Variants in ZNF665 observed in about 807,000 individuals in gnomAD.
ZNF665 encodes zinc finger protein 665.
Under a neutral mutation model 7.9 loss-of-function variants are expected in ZNF665, and 6 were observed. That is an observed-to-expected ratio of 0.76 (90% CI 0.42 to 1.50). The LOEUF (loss-of-function observed/expected upper bound fraction) is 1.50, where lower values mean the gene tolerates loss of function less well. Ranked by LOEUF, ZNF665 falls within the 40% of genes most tolerant of loss-of-function variation. The pLI, the probability that ZNF665 is intolerant of heterozygous loss-of-function variation, is 0.01. For synonymous variants in ZNF665, 242 were observed against 274.5 expected (o/e 0.88, Z 1.17); for missense variants, 819 against 806.7 (o/e 1.02, Z -0.18).
intron 1 of ZNF665, among the ~76,000 whole-genome samples, chr19:53,192,640 C>T (rs4803060): frequency 0.22 from 33,828 of 152,084 alleles, 4,037 homozygotes; most frequent in Admixed American, 0.27. Flanking sequence ...TCTCAGCCCC[C>T]CTCTCTGTCT....
chr19:53,184,404 C>T (rs1223930098), intron 1 of ZNF665, among the ~76,000 whole-genome samples: 1 of 152,104 alleles, frequency 6.6e-6, no homozygotes, highest in East Asian at 1.9e-4. Context: ...TACAGGGTGG[C>T]CCCCATCCAC....
Position 53,164,303 on chromosome 19 carries a change from A to T in ZNF665, c.*150T>A. 1 of 598,502 alleles carries T rather than the reference A, an allele frequency of 1.7e-6. No individual in the cohort carries two copies. Among genetic ancestry groups the T allele is most frequent in the South Asian group, 2.5e-5 (1 of 39,430 alleles). The allele number at this position is 598,502 out of a possible 1,614,324, so 37.1% of individuals were successfully genotyped here. The stretch of plus-strand genomic sequence containing the variant: ...CAGGCGTGCACCACCACACCCAGCT[A>T]ATTTTTGTATTTTTAGTAGAGACAG... On this transcript the variant is annotated 3_prime_UTR_variant, in exon 4 of 4. Transcript: ENST00000396424.
intron 3 of ZNF665, among the ~76,000 whole-genome samples, chr19:53,170,404 CTTGT>C (rs1201185286): frequency 6.6e-6 from 1 of 152,182 alleles, no homozygotes; most frequent in East Asian, 1.9e-4. Flanking sequence ...GTCATTTACT[CTTGT>C]TTAATTGAAC....
At position 53,165,754 on chromosome 19, in the gene ZNF665, G is replaced by T; in HGVS notation, c.736C>A (p.Pro246Thr). Residue 246 changes from proline (P) to threonine (T), a missense_variant, in exon 4 of 4, where the codon CCT (proline) becomes ACT (threonine). Physicochemically the swap from Pro to Thr is conservative, Grantham distance 38 (BLOSUM62 -1). Transcript: ENST00000396424. ...CNECGKVFSQ[P>T]SNLAGHQRIH... ...CTCTGATGACCTGCAAGGTTTGAAG[G>T]TTGACTGAAGACCTTTCCACATTCA... 5 of 1,612,610 alleles carry T rather than the reference G, an allele frequency of 3.1e-6. No individual in the cohort carries two copies. The highest frequency in any genetic ancestry group is 1.7e-5 in the Admixed American group (1 of 59,900).
At chr19:53,171,606 T>A (rs1044335809) in intron 3 of ZNF665, among the ~76,000 whole-genome samples, 1 of 148,882 alleles carries the variant, frequency 6.7e-6, no homozygotes, top group East Asian at 2.0e-4. Context: ...TTTGGCTCAC[T>A]GCAACCTCCG....
intron 3 of ZNF665, among the ~76,000 whole-genome samples, chr19:53,175,173 G>T (rs2090687548): frequency 6.6e-6 from 1 of 152,024 alleles, no homozygotes; most frequent in South Asian, 2.1e-4. Context: ...TCAATCAAAA[G>T]CACAGAAGTA....
chr19:53,171,524 A>ATATATATATATTTTTTT (rs372855271), intron 3 of ZNF665, among the ~76,000 whole-genome samples: 4 of 69,324 alleles, frequency 5.8e-5, no homozygotes, highest in African/African-American at 1.0e-4. Flanking sequence ...ATATATATAT[A>ATATATATATATTTTTTT]TTTTTTTTTT....
rs748655486 is a variant in ZNF665, at chr19:53,165,289, G to A, written c.1201C>T (p.Pro401Ser). The A allele has an allele frequency of 6.2e-7, 1 of 1,613,190 alleles. No individual in the cohort carries two copies. Among genetic ancestry groups the A allele is most frequent in the South Asian group, 1.1e-5 (1 of 91,038 alleles). The change falls in exon 4 of 4, where the codon CCT (proline) becomes TCT (serine). Residue 401 changes from proline to serine, a missense_variant. Physicochemically the swap from Pro to Ser is moderately conservative, Grantham distance 74. Transcript: ENST00000396424. ...TTGACGCATTCATTACATTTGAAAG[G>A]CTTTTCTCCGGTATGGATGATCTGA... ...KHQIIHTGEK[P>S]FKCNECVKVF...
intron 3 of ZNF665, among the ~76,000 whole-genome samples, chr19:53,168,079 A>AAAAAG (rs1568656290): frequency 4.1e-5 from 2 of 48,280 alleles, no homozygotes; most frequent in South Asian, 1.2e-3. Flanking sequence ...AAAAAAAAAA[A>AAAAAG]AAAGAAAGAA....
chr19:53,182,731 TA>T, intron 2 of ZNF665, 152 bp downstream of exon 2: 2 of 1,341,166 alleles, frequency 1.5e-6, no homozygotes, highest in East Asian at 4.6e-5. Flanking sequence ...AGATGGAATC[TA>T]AGTGAGATGA....
intron 3 of ZNF665, among the ~76,000 whole-genome samples, chr19:53,166,935 T>A (rs2090619800): frequency 6.6e-6 from 1 of 152,222 alleles, no homozygotes; most frequent in Non-Finnish European, 1.5e-5. Flanking sequence ...CATACCCCTA[T>A]ATACCCACAC....
At chr19:53,168,202 G>C (rs1437034003) in intron 3 of ZNF665, among the ~76,000 whole-genome samples, 4 of 151,528 alleles carry the variant, frequency 2.6e-5, no homozygotes, top group Admixed American at 6.6e-5. Context: ...AATCATCCTT[G>C]AGAAAATTCA....
At chr19:53,171,488 T>TTG (rs1196693590) in intron 3 of ZNF665, among the ~76,000 whole-genome samples, 2,582 of 75,608 alleles carry the variant, frequency 0.034, 82 homozygotes, top group African/African-American at 0.086. Context: ...ATCTTTACAT[T>TTG]TGTGTGTGTG....
At chr19:53,185,301 T>C (rs1413905455) in intron 1 of ZNF665, among the ~76,000 whole-genome samples, 1 of 151,918 alleles carries the variant, frequency 6.6e-6, no homozygotes, top group Non-Finnish European at 1.5e-5. Context: ...GACGCTGGCG[T>C]CACCGCTAGA....
intron 2 of ZNF665, among the ~76,000 whole-genome samples, chr19:53,177,511 C>T (rs547534489): frequency 1.3e-5 from 2 of 151,962 alleles, no homozygotes; most frequent in East Asian, 1.9e-4. Flanking sequence ...TGTGCCACTG[C>T]ACTCCAGCCT....
At position 53,163,407 on chromosome 19, in the gene ZNF665, G is replaced by A. The variant is rs1133146; in HGVS notation, c.*1046C>T. On this transcript the variant is annotated 3_prime_UTR_variant, in exon 4 of 4. Coordinates refer to ENST00000396424, the MANE Select transcript of ZNF665 (RefSeq NM_024733.5). The stretch of plus-strand genomic sequence containing the variant: ...GCACCTGCAGTGCAATAAGGATGAT[G>A]AGTGACATCATAGTTCATCATCCTC... 78,504 of 152,062 alleles carry A rather than the reference G, an allele frequency of 0.52. 22,956 individuals carry two copies. Among genetic ancestry groups the A allele is most frequent in the South Asian group, 0.72 (3,448 of 4,816 alleles). The allele number at this position is 152,062 out of a possible 1,614,324, so 9.4% of individuals were successfully genotyped here. A position where few individuals can be genotyped will look rare whatever the true frequency, so the allele number is the denominator to read the frequency against.
Position 53,165,187 on chromosome 19 carries a change from A to G in ZNF665, c.1303T>C (p.Cys435Arg), listed in dbSNP as rs1192583855. The G allele has an allele frequency of 1.2e-6, 2 of 1,614,160 alleles. No homozygotes were observed. Among genetic ancestry groups the G allele is most frequent in the South Asian group, 2.2e-5 (2 of 91,086 alleles). The stretch of plus-strand genomic sequence containing the variant: ...GATCGCACACTAAAGGCTTTGCCAC[A>G]CTCATCACACCTGTAAGGTTTCTCT... ...TGEKPYRCDE[C>R]GKAFSVRSSL... The change falls in exon 4 of 4, where the codon TGT becomes CGT. Residue 435 changes from cysteine to arginine, a missense_variant. Physicochemically the swap from Cys to Arg is radical, Grantham distance 180. Transcript: ENST00000396424.
chr19:53,167,784 C>A (rs1453529410), intron 3 of ZNF665, among the ~76,000 whole-genome samples: 1 of 146,090 alleles, frequency 6.8e-6, no homozygotes, highest in Non-Finnish European at 1.5e-5. Context: ...TGCCGGGCGC[C>A]GGTGGCTCCC....
chr19:53,167,355 C>A (rs545037944), intron 3 of ZNF665, among the ~76,000 whole-genome samples: 1 of 151,684 alleles, frequency 6.6e-6, no homozygotes, highest in Non-Finnish European at 1.5e-5. Context: ...CAATAATAAT[C>A]GAAATTAAGA....
Sources: gnomAD v4.1 joint callset for allele counts (sites outside exome capture counted in the v4.1 genomes callset) on GRCh38, gnomAD v4.1.1 for gene constraint, MANE v1.5 for transcripts, NCBI Gene and HGNC (gene_info 2026-07-23, HGNC 2026-07-21) for gene names.